The following IL17RA variants were observed in gnomAD, a reference collection of about 807,000 sequenced individuals.
IL17RA encodes interleukin-17 receptor A.
Under a neutral mutation model 50.4 loss-of-function variants are expected in IL17RA, and 34 were observed. The ratio of observed to expected loss-of-function variants is 0.67; its 90% CI spans 0.51 to 0.90. The LOEUF (loss-of-function observed/expected upper bound fraction) is 0.90, where lower values mean the gene tolerates loss of function less well. Among genes scored for constraint, IL17RA ranks in the 40% least tolerant of loss-of-function variants. The pLI is 0.00. For synonymous variants in IL17RA, 585 were observed against 510.4 expected (o/e 1.15, Z -1.97); for missense variants, 1,276 against 1,169.8 (o/e 1.09, Z -1.32).
chr22:17,097,179 C>G (rs2061371397), intron 2 of IL17RA, 93 bp downstream of exon 2: 2 of 1,244,928 alleles, frequency 1.6e-6, no homozygotes, highest in Admixed American at 3.4e-5. Context: ...CCATGCCACT[C>G]CAGGTTCAGG....
Position 17,113,462 on chromosome 22 carries a change from GCTGGGATTATAGGCCTGAGCCCACCGTGC to G in IL17RA, c.*3647_*3675del, listed in dbSNP as rs1445331524. On this transcript the variant is annotated 3_prime_UTR_variant, in exon 13 of 13. Transcript: ENST00000319363. ...TCTGCCCGCCTCATCCTCCCAAAGT[GCTGGGATTATAGGCCTGAGCCCACCGTGC>G]CTGGCCTTTCCTGTTTATCTTTGAA... 8 of 152,306 alleles carry G rather than the reference GCTGGGATTATAGGCCTGAGCCCACCGTGC, an allele frequency of 5.3e-5. No individual in the cohort carries two copies. The highest frequency in any genetic ancestry group is 1.9e-4 in the African/African-American group (8 of 41,456). The allele number at this position is 152,306 out of a possible 1,614,324, so 9.4% of individuals were successfully genotyped here.
At position 17,110,414 on chromosome 22, in the gene IL17RA, C is replaced by G. The variant is rs1235562741; in HGVS notation, c.*594C>G. On this transcript the variant is annotated 3_prime_UTR_variant, in exon 13 of 13. Transcript: ENST00000319363. ...TTGGGAGGCTGAGGCAGGAGAATTG[C>G]TTGAATCTGGGAGGCAGAGGTTGCA... 2 of 158,870 alleles carry G rather than the reference C, an allele frequency of 1.3e-5. No homozygotes were observed. Among genetic ancestry groups the G allele is most frequent in the Non-Finnish European group, 2.8e-5 (2 of 72,486 alleles). The allele number at this position is 158,870 out of a possible 1,614,324, so 9.8% of individuals were successfully genotyped here. A position where few individuals can be genotyped will look rare whatever the true frequency, so the allele number is the denominator to read the frequency against.
At chr22:17,091,479 A>G (rs1278105987) in intron 1 of IL17RA, among the ~76,000 whole-genome samples, 1 of 152,124 alleles carries the variant, frequency 6.6e-6, no homozygotes, top group Non-Finnish European at 1.5e-5. Flanking sequence ...GATTGAGACC[A>G]TCCTGTCTAA....
At chr22:17,088,349 T>A (rs1273534744) in intron 1 of IL17RA, among the ~76,000 whole-genome samples, 2 of 152,126 alleles carry the variant, frequency 1.3e-5, no homozygotes, top group Non-Finnish European at 2.9e-5. Flanking sequence ...GAGAGAGTTT[T>A]GCTCTGTCGC....
At chr22:17,090,290 C>A (rs946650263) in intron 1 of IL17RA, among the ~76,000 whole-genome samples, 2 of 152,174 alleles carry the variant, frequency 1.3e-5, no homozygotes, top group Admixed American at 1.3e-4. Flanking sequence ...TCCCAAAGTG[C>A]TAGGATTACA....
intron 7 of IL17RA, 39 bp downstream of exon 7, chr22:17,102,341 G>T: frequency 6.2e-7 from 1 of 1,609,558 alleles, no homozygotes; most frequent in South Asian, 1.1e-5. Flanking sequence ...CATAGCTCAG[G>T]ACCACCCCTC....
At position 17,105,915 on chromosome 22, in the gene IL17RA, G is replaced by A. The variant is rs138404135; in HGVS notation, c.1006G>A (p.Val336Ile). The A allele has an allele frequency of 1.1e-4, 181 of 1,614,074 alleles. 2 individuals are homozygous for A. Among genetic ancestry groups the A allele is most frequent in the South Asian group, 4.0e-4 (36 of 91,092 alleles). Residue 336 changes from valine to isoleucine, a missense_variant, in exon 11 of 13, where the codon GTC (valine) becomes ATC (isoleucine). Val to Ile is a conservative substitution (Grantham distance 29). Coordinates refer to ENST00000319363, the MANE Select transcript of IL17RA (RefSeq NM_014339.7). The stretch of plus-strand genomic sequence containing the variant: ...CATCTCCATCCTGCTGGTGGGCTCC[G>A]TCATCCTGCTCATCGTCTGCATGAC... ...TGISILLVGS[V>I]ILLIVCMTWR...
chr22:17,086,816 G>A (rs1451862143), intron 1 of IL17RA, among the ~76,000 whole-genome samples: 1 of 152,214 alleles, frequency 6.6e-6, no homozygotes, highest in Non-Finnish European at 1.5e-5. Context: ...CTGAGCCAAG[G>A]TCCTTAAGTG....
intron 9 of IL17RA, 23 bp from the exon 10 acceptor site, chr22:17,105,568 T>C: frequency 1.2e-6 from 2 of 1,608,524 alleles, no homozygotes; most frequent in African/African-American, 1.3e-5. Context: ...CTATTTTCCC[T>C]TTTTCCTCTG....
intron 1 of IL17RA, among the ~76,000 whole-genome samples, chr22:17,085,971 C>T (rs1451919071): frequency 6.6e-6 from 1 of 152,262 alleles, no homozygotes; most frequent in East Asian, 1.9e-4. Flanking sequence ...GCCCTTCCCG[C>T]CACTCCCACC....
At chr22:17,097,229 T>C in intron 2 of IL17RA, 143 bp downstream of exon 2, 1 of 783,378 alleles carries the variant, frequency 1.3e-6, no homozygotes. Flanking sequence ...TCCCGGAGAA[T>C]TGTGGATGCG....
In IL17RA at chr22:17,109,316, G is replaced by A. The variant is rs1470108250; in HGVS notation, c.2097G>A (p.Glu699=). 6.5e-7 allele frequency: 1 copy of A among 1,535,058 alleles called. No individual in the cohort carries two copies. The highest frequency in any genetic ancestry group is 1.9e-5 in the Admixed American group (1 of 51,820). Residue 699 remains glutamate (E), a synonymous_variant, in exon 13 of 13, where the codon GAG becomes GAA. Transcript: ENST00000319363. The stretch of plus-strand genomic sequence containing the variant: ...CAGTCCGGCTGGCACTGGCGGGGGA[G>A]GGCGAGGCCTGCCCGCTGCTGGGCA... ...GAAVRLALAG[E]GEACPLLGSP...
rs796206393 is a variant in IL17RA at position 17,110,862 on chromosome 22, C to T, written c.*1042C>T. On this transcript the variant is annotated 3_prime_UTR_variant, in exon 13 of 13. Transcript: ENST00000319363. ...AAAAAGTAGAAAGATGGAGTGGAAGCCTGCCCAGGGTTGTGAGCATGCACG... is the reference window on the plus strand; with the variant it reads ...AAAAAGTAGAAAGATGGAGTGGAAGTCTGCCCAGGGTTGTGAGCATGCACG... 6.6e-5 allele frequency: 10 copies of T among 152,520 alleles called. No homozygotes were observed. Among genetic ancestry groups the T allele is most frequent in the African/African-American group, 2.4e-4 (10 of 41,444 alleles). 9.4% of individuals were successfully genotyped at this position (152,520 alleles called of 1,614,324 possible).
At chr22:17,096,735 T>C (rs1371454958) in intron 1 of IL17RA, among the ~76,000 whole-genome samples, 1 of 151,934 alleles carries the variant, frequency 6.6e-6, no homozygotes, top group East Asian at 1.9e-4. Flanking sequence ...CCGGGCGTGG[T>C]GGCGGGCGCC....
At chr22:17,102,899 TG>T (rs66706515) in intron 7 of IL17RA, among the ~76,000 whole-genome samples, 17,416 of 152,262 alleles carry the variant, frequency 0.11, 1,372 homozygotes, top group African/African-American at 0.22. Flanking sequence ...CCCAGCAGTT[TG>T]GGAGGCCAAG....
At chr22:17,094,691 C>CTCTCTCTCTATATA (rs1448096911) in intron 1 of IL17RA, among the ~76,000 whole-genome samples, 10 of 24,700 alleles carry the variant, frequency 4.0e-4, no homozygotes, top group African/African-American at 6.8e-4. Context: ...CTCTCTCTCT[C>CTCTCTCTCTATATA]TATATATATA....
intron 11 of IL17RA, among the ~76,000 whole-genome samples, chr22:17,106,472 A>G (rs867596518): frequency 6.6e-6 from 1 of 152,176 alleles, no homozygotes; most frequent in African/African-American, 2.4e-5. Context: ...ATGTACTGAT[A>G]ATGCCTCCCT....
Position 17,102,286 on chromosome 22 carries a change from T to G in IL17RA, c.746T>G (p.Met249Arg). 1 of 1,614,190 alleles carries G rather than the reference T, an allele frequency of 6.2e-7. No homozygotes were observed. Among genetic ancestry groups the G allele is most frequent in the Non-Finnish European group, 8.5e-7 (1 of 1,180,040 alleles). ...GAGAACCACAGTTGCTTTGAGCACA[T>G]GCACCACATACCTGCGGTAACTCTG... Reference protein sequence around the residue: ...HMENHSCFEHMHHIPAPRPEE... With the variant: ...HMENHSCFEHRHHIPAPRPEE... The change falls in exon 7 of 13, where the codon ATG (methionine) becomes AGG (arginine). Residue 249 changes from methionine to arginine, a missense_variant. Physicochemically the swap from Met to Arg is moderately conservative, Grantham distance 91. Transcript: ENST00000319363.
At chr22:17,087,778 C>G (rs528306771) in intron 1 of IL17RA, among the ~76,000 whole-genome samples, 146 of 152,342 alleles carry the variant, frequency 9.6e-4, no homozygotes, top group Non-Finnish European at 1.9e-3. Flanking sequence ...GACCGCCAGC[C>G]TGGAGGAATG....
Sources: allele counts gnomAD v4.1 joint callset (sites outside exome capture counted in the v4.1 genomes callset), GRCh38; gene constraint gnomAD v4.1.1; transcripts MANE v1.5; gene names NCBI Gene and HGNC (gene_info 2026-07-23, HGNC 2026-07-21).